ZNF676: variants seen among roughly 807,000 people sequenced by gnomAD.
The protein encoded by ZNF676 is zinc finger protein 676.
A neutral mutation model predicts 6.0 loss-of-function variants in ZNF676; 4 were observed. The observed-to-expected ratio is 0.67, with a 90% CI of 0.33 to 1.53. The LOEUF (loss-of-function observed/expected upper bound fraction) is 1.53. ZNF676 is among the 40% of genes most tolerant of loss of function. ZNF676 has a pLI of 0.06. For missense variants in ZNF676, 644 were observed against 679.7 expected (o/e 0.95, Z 0.58); for synonymous variants, 198 against 223.1 (o/e 0.89, Z 1.00).
the ZNF676 span, among the ~76,000 whole-genome samples, chr19:22,251,690 A>C: frequency 3.3e-5 from 5 of 151,806 alleles, no homozygotes; most frequent in East Asian, 7.8e-4. Flanking sequence ...GAGGAAGCTA[A>C]GGCAGGAGAA....
upstream of ZNF676, among the ~76,000 whole-genome samples, chr19:22,197,405 G>A (rs1189272390): frequency 6.6e-6 from 1 of 151,032 alleles, no homozygotes; most frequent in Non-Finnish European, 1.5e-5. Context: ...TAGACATGTT[G>A]AGTTAGAAGG....
chr19:22,185,503 CAA>C (rs2023825239), intron 2 of ZNF676, among the ~76,000 whole-genome samples: 3 of 134,016 alleles, frequency 2.2e-5, no homozygotes, highest in African/African-American at 8.0e-5. Flanking sequence ...AAAAAAAAAA[CAA>C]AACTGAATGG....
At chr19:22,241,308 C>T in the ZNF676 span, among the ~76,000 whole-genome samples, 9 of 151,976 alleles carry the variant, frequency 5.9e-5, no homozygotes, top group African/African-American at 1.9e-4. Context: ...GGTTTAAGTA[C>T]CTGCATCACA....
chr19:22,218,823 C>G (rs2024219814), upstream of ZNF676, among the ~76,000 whole-genome samples: 1 of 152,022 alleles, frequency 6.6e-6, no homozygotes, highest in Non-Finnish European at 1.5e-5. Flanking sequence ...GTCTTCATAT[C>G]TATTTTTATA....
At chr19:22,255,464 T>C in the ZNF676 span, among the ~76,000 whole-genome samples, 224 of 152,286 alleles carry the variant, frequency 1.5e-3, 1 homozygote, top group African/African-American at 4.8e-3. Flanking sequence ...TATCTGTGTC[T>C]CTAAGCCCAG....
At chr19:22,241,889 GA>G in the ZNF676 span, among the ~76,000 whole-genome samples, 5 of 151,758 alleles carry the variant, frequency 3.3e-5, no homozygotes, top group Non-Finnish European at 5.9e-5. Context: ...TGAAGTTCAA[GA>G]ACTCTCCAGT....
At chr19:22,204,126 G>T (rs2024053650) in intron 1 of ZNF676, 1 of 151,270 alleles carries the variant, frequency 6.6e-6, no homozygotes, top group African/African-American at 2.4e-5. Context: ...TATTTATCCT[G>T]TAATAGCAGC....
upstream of ZNF676, among the ~76,000 whole-genome samples, chr19:22,198,455 G>A (rs772046339): frequency 2.6e-5 from 4 of 152,160 alleles, no homozygotes; most frequent in Admixed American, 6.6e-5. Flanking sequence ...AGTACTAAAC[G>A]TATGTTTCCT....
chr19:22,214,787 C>T (rs2024166130), intron 1 of ZNF676, among the ~76,000 whole-genome samples: 1 of 151,744 alleles, frequency 6.6e-6, no homozygotes, highest in Non-Finnish European at 1.5e-5. Flanking sequence ...CACCTATAAT[C>T]CCAGCACTTT....
intron 1 of ZNF676, among the ~76,000 whole-genome samples, chr19:22,212,061 G>A (rs1251864979): frequency 6.6e-6 from 1 of 151,708 alleles, no homozygotes; most frequent in Non-Finnish European, 1.5e-5. Flanking sequence ...TTAGCTGGGT[G>A]TGGTGGCGGG....
At chr19:22,250,715 C>CT in the ZNF676 span, among the ~76,000 whole-genome samples, 1,076 of 139,856 alleles carry the variant, frequency 7.7e-3, 10 homozygotes, top group South Asian at 0.019. Context: ...AATGTCATTT[C>CT]TTTTTTTTTT....
At chr19:22,209,390 T>C (rs566294649) in intron 1 of ZNF676, among the ~76,000 whole-genome samples, 1 of 150,662 alleles carries the variant, frequency 6.6e-6, no homozygotes, top group Non-Finnish European at 1.5e-5. Context: ...TCACTATTCT[T>C]AGAAAACTGA....
chr19:22,180,195 C>T lies in ZNF676; in HGVS notation c.1522G>A (p.Glu508Lys), dbSNP rs1407035893. The change falls in exon 3 of 3, where the codon GAA (glutamate) becomes AAA (lysine). Residue 508 changes from glutamate (E) to lysine (K), a missense_variant. Coordinates refer to ENST00000397121, the MANE Select transcript of ZNF676 (RefSeq NM_001001411.3). ...IHTGEKRYKCEECGKAFSWSS... is the reference protein window; with the variant it reads ...IHTGEKRYKCKECGKAFSWSS... The stretch of plus-strand genomic sequence containing the variant: ...CAGCTGAAGGCTTTGCCACATTCTT[C>T]ACATTTGTAGCGTTTCTCTCCAGTA... 1 of 1,613,588 alleles carries T rather than the reference C, an allele frequency of 6.2e-7. No individual in the cohort carries two copies. The highest frequency in any genetic ancestry group is 8.5e-7 in the Non-Finnish European group (1 of 1,179,860).
chr19:22,255,117 A>G, the ZNF676 span, among the ~76,000 whole-genome samples: 1 of 152,176 alleles, frequency 6.6e-6, no homozygotes, highest in Non-Finnish European at 1.5e-5. Context: ...AATCCCTCCC[A>G]TGAACTGTGT....
At chr19:22,183,930 G>C (rs990649704) in intron 2 of ZNF676, among the ~76,000 whole-genome samples, 1 of 152,212 alleles carries the variant, frequency 6.6e-6, no homozygotes, top group African/African-American at 2.4e-5. Flanking sequence ...GTGTATGTGT[G>C]TGTCTCACAT....
At chr19:22,243,645 A>G in the ZNF676 span, 12 of 150,114 alleles carry the variant, frequency 8.0e-5, no homozygotes, top group African/African-American at 3.0e-4. Context: ...GGCTTTGTAG[A>G]GTGTGCATAA....
chr19:22,223,314 G>T, the ZNF676 span, among the ~76,000 whole-genome samples: 1 of 152,094 alleles, frequency 6.6e-6, no homozygotes, highest in African/African-American at 2.4e-5. Flanking sequence ...TCTTTTGAAG[G>T]TACTTGTTTT....
chr19:22,242,846 G>GC, the ZNF676 span, among the ~76,000 whole-genome samples: 13 of 150,270 alleles, frequency 8.7e-5, no homozygotes, highest in Admixed American at 8.6e-4. Context: ...CCCAAGTTGG[G>GC]GGGGGGCTCT....
the ZNF676 span, chr19:22,244,174 G>A: frequency 2.0e-5 from 3 of 151,892 alleles, no homozygotes; most frequent in Admixed American, 2.0e-4. Context: ...CTCTTGAGTA[G>A]CTGGGATTAC....
Sources: allele counts gnomAD v4.1 joint callset (sites outside exome capture counted in the v4.1 genomes callset), GRCh38; gene constraint gnomAD v4.1.1; transcripts MANE v1.5; gene names NCBI Gene and HGNC (gene_info 2026-07-23, HGNC 2026-07-21).